The following SAA2 variants were observed in gnomAD, a reference collection of about 807,000 sequenced individuals.
The protein encoded by SAA2 is serum amyloid A2, also known as serum amyloid A-2 protein.
A neutral mutation model predicts 9.1 loss-of-function variants in SAA2; 5 were observed. The observed-to-expected ratio is 0.55, with a 90% CI of 0.29 to 1.16. SAA2 has a LOEUF of 1.16. Among genes scored for constraint, SAA2 ranks in the 50% most tolerant of loss-of-function variants. SAA2 has a pLI of 0.09. For missense variants in SAA2, 94 were observed against 153.8 expected, an observed-to-expected ratio of 0.61 and a Z score of 2.06; for synonymous variants, 49 against 59.8, an observed-to-expected ratio of 0.82 and a Z score of 0.83.
chr11:18,242,389 G>A, downstream of SAA2: 1 of 167,984 alleles, frequency 6.0e-6, no homozygotes, highest in South Asian at 1.9e-4. Context: ...CTCTATTTTT[G>A]TTCTATTCAA....
chr11:18,244,323 T>G (rs997262583), downstream of SAA2, among the ~76,000 whole-genome samples: 5 of 152,168 alleles, frequency 3.3e-5, no homozygotes, highest in African/African-American at 9.7e-5. Context: ...CCAAGCAGTT[T>G]CCCAAATTTG....
chr11:18,244,826 T>C (rs527602607), downstream of SAA2, among the ~76,000 whole-genome samples: 1 of 152,340 alleles, frequency 6.6e-6, no homozygotes, highest in South Asian at 2.1e-4. Context: ...AATTCATTAA[T>C]GCCTGGATTT....
intron 2 of SAA2, among the ~76,000 whole-genome samples, 183 bp from the exon 3 acceptor site, chr11:18,246,231 G>A (rs1017611373): frequency 3.9e-5 from 6 of 152,080 alleles, no homozygotes; most frequent in African/African-American, 1.4e-4. Flanking sequence ...GCTTCTTCAA[G>A]TGCCCTGGTG....
downstream of SAA2, among the ~76,000 whole-genome samples, chr11:18,244,309 G>T (rs1421043383): frequency 1.3e-5 from 2 of 152,124 alleles, no homozygotes; most frequent in Admixed American, 6.5e-5. Context: ...CCTATCTCCT[G>T]CCCCCAAGCA....
downstream of SAA2, among the ~76,000 whole-genome samples, chr11:18,238,299 A>G (rs181407352): frequency 8.0e-4 from 122 of 152,270 alleles, 1 homozygote; most frequent in Non-Finnish European, 1.3e-3. Context: ...TACAGGGAAA[A>G]TGAGTATGTT....
intron 3 of SAA2, 22 bp from the exon 4 acceptor site, chr11:18,245,537 A>C (rs751823252): frequency 1.2e-6 from 2 of 1,613,582 alleles, no homozygotes; most frequent in African/African-American, 1.3e-5. Context: ...GCAGGCAAGA[A>C]GGAGATTAAT....
chr11:18,244,382 G>A (rs1398648885), downstream of SAA2, among the ~76,000 whole-genome samples: 2 of 152,146 alleles, frequency 1.3e-5, no homozygotes, highest in Non-Finnish European at 2.9e-5. Context: ...ACCCTGGGTA[G>A]CTTCCTGCCA....
At chr11:18,246,993 C>T (rs1590014515) in intron 2 of SAA2, among the ~76,000 whole-genome samples, 1 of 152,194 alleles carries the variant, frequency 6.6e-6, no homozygotes. Context: ...GTCAGTGATG[C>T]GTCTACCTGG....
At chr11:18,245,175 A>G (rs1857464314), downstream of SAA2, 1 of 1,259,296 alleles carries the variant, frequency 7.9e-7, no homozygotes, top group Non-Finnish European at 1.1e-6. Context: ...GTGGGTGTGC[A>G]TTGATTTCCC....
intron 3 of SAA2, 128 bp from the exon 4 acceptor site, chr11:18,245,643 A>T: frequency 7.5e-7 from 1 of 1,326,916 alleles, no homozygotes. Context: ...GGAGGAGTGA[A>T]AACACTGACC....
At chr11:18,238,808 C>T (rs974153149), downstream of SAA2, among the ~76,000 whole-genome samples, 8 of 151,334 alleles carry the variant, frequency 5.3e-5, no homozygotes, top group Non-Finnish European at 1.0e-4. Flanking sequence ...CCCCTCACTC[C>T]CCCCCTCCCC....
At chr11:18,246,757 T>A (rs1224064029) in intron 2 of SAA2, among the ~76,000 whole-genome samples, 2 of 152,016 alleles carry the variant, frequency 1.3e-5, no homozygotes, top group African/African-American at 4.8e-5. Context: ...GCTCCGGAAC[T>A]CATGACCTCA....
At chr11:18,245,617 C>T (rs538202631) in intron 3 of SAA2, 102 bp from the exon 4 acceptor site, 1 of 1,498,822 alleles carries the variant, frequency 6.7e-7, no homozygotes, top group African/African-American at 1.4e-5. Context: ...GAGAGGAGCC[C>T]AGAAAGGCCA....
downstream of SAA2, chr11:18,242,821 T>A: frequency 1.4e-6 from 1 of 701,798 alleles, no homozygotes; most frequent in Non-Finnish European, 2.6e-6. Context: ...CACTTCAGCC[T>A]GGATGAAAGA....
intron 2 of SAA2, among the ~76,000 whole-genome samples, chr11:18,246,412 AGTTC>A (rs1421137097): frequency 4.6e-5 from 7 of 152,238 alleles, no homozygotes; most frequent in Non-Finnish European, 8.8e-5. Context: ...TTGTGACCTG[AGTTC>A]CAGTGACTGT....
downstream of SAA2, chr11:18,242,671 C>T (rs1485072320): frequency 7.7e-6 from 5 of 648,760 alleles, no homozygotes; most frequent in African/African-American, 3.6e-5. Context: ...CACGGCGAAA[C>T]CCCATCTCTA....
At chr11:18,247,435 T>C (rs369479799) in intron 2 of SAA2, among the ~76,000 whole-genome samples, 5 of 147,618 alleles carry the variant, frequency 3.4e-5, no homozygotes, top group Non-Finnish European at 5.9e-5. Flanking sequence ...CATCTTCTAC[T>C]CAAAACAAAC....
At chr11:18,243,180 T>C (rs138341061), downstream of SAA2, among the ~76,000 whole-genome samples, 204 of 152,284 alleles carry the variant, frequency 1.3e-3, 2 homozygotes, top group East Asian at 0.014. Context: ...AGTGATTTGG[T>C]CCTTTACAGA....
downstream of SAA2, chr11:18,242,859 A>G (rs1301850617): frequency 4.3e-6 from 3 of 700,380 alleles, no homozygotes; most frequent in African/African-American, 5.2e-5. Flanking sequence ...ATAACGAAAC[A>G]AAACAAAACA....
Sources: gnomAD v4.1 joint callset for allele counts (sites outside exome capture counted in the v4.1 genomes callset) on GRCh38, gnomAD v4.1.1 for gene constraint, MANE v1.5 for transcripts, NCBI Gene and HGNC (gene_info 2026-07-23, HGNC 2026-07-21) for gene names.